NRG3: variants seen among roughly 807,000 people sequenced by gnomAD.
NRG3 encodes pro-neuregulin-3, membrane-bound isoform.
NRG3 carries 31 observed loss-of-function variants against 66.9 expected under a neutral mutation model. That is an observed-to-expected ratio of 0.46 (90% CI 0.35 to 0.63). NRG3 has a LOEUF of 0.63. NRG3 is among the 20% of genes least tolerant of loss of function. The probability of loss-of-function intolerance (pLI) is 0.00; values close to 1 mark genes in which losing one functional copy is unlikely to be tolerated. For synonymous variants in NRG3, 393 were observed against 359.4 expected (o/e 1.09, Z -1.06); for missense variants, 910 against 878.9 (o/e 1.04, Z -0.45).
At chr10:82,794,063 C>G (rs2060697759) in intron 3 of NRG3, among the ~76,000 whole-genome samples, 1 of 152,164 alleles carries the variant, frequency 6.6e-6, no homozygotes, top group Non-Finnish European at 1.5e-5. Flanking sequence ...TATTTCTATT[C>G]TATTCTGTGT....
chr10:82,291,900 G>A (rs2079769545), intron 1 of NRG3, among the ~76,000 whole-genome samples: 1 of 152,070 alleles, frequency 6.6e-6, no homozygotes, highest in African/African-American at 2.4e-5. Context: ...GAAAATTTCT[G>A]GGATCTAGCA....
chr10:82,006,395 A>C (rs1176479117), intron 1 of NRG3, among the ~76,000 whole-genome samples: 10 of 151,940 alleles, frequency 6.6e-5, no homozygotes, highest in Admixed American at 6.6e-4. Flanking sequence ...TCTTCTTCCA[A>C]CCTGTGGCTT....
chr10:81,911,967 A>G (rs1845212654), intron 1 of NRG3, among the ~76,000 whole-genome samples: 1 of 152,088 alleles, frequency 6.6e-6, no homozygotes, highest in Non-Finnish European at 1.5e-5. Flanking sequence ...AGAGTAATAA[A>G]TGTTAATTAC....
At chr10:82,803,377 G>A (rs530227434) in intron 3 of NRG3, among the ~76,000 whole-genome samples, 2 of 152,188 alleles carry the variant, frequency 1.3e-5, no homozygotes, top group East Asian at 3.9e-4. Flanking sequence ...TGACAGAATA[G>A]ATAGGGAAAT....
At chr10:81,946,993 A>G (rs1848902737) in intron 1 of NRG3, among the ~76,000 whole-genome samples, 1 of 152,124 alleles carries the variant, frequency 6.6e-6, no homozygotes, top group Non-Finnish European at 1.5e-5. Context: ...ACAGAAATGT[A>G]TTGTCTCATC....
chr10:82,962,116 A>G (rs1167826874), intron 6 of NRG3, among the ~76,000 whole-genome samples: 1 of 152,220 alleles, frequency 6.6e-6, no homozygotes, highest in Non-Finnish European at 1.5e-5. Flanking sequence ...GATACTCTGG[A>G]AACACTTGAC....
intron 1 of NRG3, among the ~76,000 whole-genome samples, chr10:82,191,751 C>A (rs1169416510): frequency 6.6e-6 from 1 of 152,148 alleles, no homozygotes; most frequent in African/African-American, 2.4e-5. Context: ...TATGGCTTAG[C>A]ATGCATGCTT....
chr10:82,767,979 G>C (rs1300843913), intron 3 of NRG3, among the ~76,000 whole-genome samples: 2 of 151,854 alleles, frequency 1.3e-5, no homozygotes, highest in Admixed American at 6.6e-5. Context: ...CCTCACCTTG[G>C]AGCAGGCCTT....
Position 82,515,211 on chromosome 10 carries a change from A to G in NRG3, c.953+156343A>G, listed in dbSNP as rs970371287. On this transcript the variant is annotated intron_variant, in intron 2 of 8. Transcript: ENST00000372141. ...CTAATTTCAAAAGAAAAAAACAAAC[A>G]ATGTAACAGAACAAAACAAAAGCAA... Among the ~76,000 whole-genome samples, 23 of 152,338 alleles carry G rather than the reference A, an allele frequency of 1.5e-4. 1 individual carries two copies. The South Asian group carries it at 3.5e-3, about 23-fold the overall frequency.
At chr10:82,434,407 G>A (rs1463796663) in intron 2 of NRG3, among the ~76,000 whole-genome samples, 1 of 152,076 alleles carries the variant, frequency 6.6e-6, no homozygotes, top group Non-Finnish European at 1.5e-5. Context: ...GGGACAACTT[G>A]ACTTCCTCTG....
intron 1 of NRG3, among the ~76,000 whole-genome samples, chr10:82,328,106 A>G (rs1447665048): frequency 3.9e-5 from 6 of 152,198 alleles, no homozygotes; most frequent in African/African-American, 1.4e-4. Context: ...TTCATAACAT[A>G]GTATGAGGAA....
chr10:82,617,154 A>C (rs2048709844), intron 2 of NRG3, among the ~76,000 whole-genome samples: 1 of 151,826 alleles, frequency 6.6e-6, no homozygotes, highest in Non-Finnish European at 1.5e-5. Context: ...CACACCACTC[A>C]CACACACACC....
At position 82,181,215 on chromosome 10, in the gene NRG3, G is replaced by T. The variant is rs574406207; in HGVS notation, c.824-177524G>T. Among the ~76,000 whole-genome samples, 168 of 151,170 alleles carry T rather than the reference G, an allele frequency of 1.1e-3. 1 individual carries two copies. The highest frequency in any genetic ancestry group is 3.4e-3 in the Middle Eastern group (1 of 294). ...TTTCAGAAAACAGCTATTAGTTTTG[G>T]TTTTTTATTGTTTCTATTCTCTATT... On this transcript the variant is annotated intron_variant, in intron 1 of 8. Coordinates refer to ENST00000372141, the MANE Select transcript of NRG3 (RefSeq NM_001010848.4).
chr10:82,923,247 G>A (rs1042752856), intron 4 of NRG3, among the ~76,000 whole-genome samples: 2 of 152,178 alleles, frequency 1.3e-5, no homozygotes, highest in South Asian at 4.1e-4. Context: ...GCTGTTTGCT[G>A]TGTCTGAAAC....
intron 2 of NRG3, among the ~76,000 whole-genome samples, chr10:82,679,681 C>A (rs1158931048): frequency 6.6e-6 from 1 of 152,034 alleles, no homozygotes; most frequent in Non-Finnish European, 1.5e-5. Context: ...TGTACAAATA[C>A]CCAAGTGACA....
At chr10:82,079,138 G>A (rs2065251304) in intron 1 of NRG3, among the ~76,000 whole-genome samples, 4 of 151,360 alleles carry the variant, frequency 2.6e-5, no homozygotes, top group African/African-American at 7.3e-5. Flanking sequence ...TCCGCCTCCC[G>A]GGTTCAAGTG....
intron 2 of NRG3, among the ~76,000 whole-genome samples, chr10:82,628,727 C>T (rs1445835055): frequency 2.6e-5 from 4 of 152,132 alleles, no homozygotes; most frequent in African/African-American, 9.7e-5. Flanking sequence ...AGGCTGGAAG[C>T]TCTGTCATTT....
intron 1 of NRG3, among the ~76,000 whole-genome samples, chr10:82,303,540 C>T (rs1197685053): frequency 6.6e-6 from 1 of 152,108 alleles, no homozygotes; most frequent in Non-Finnish European, 1.5e-5. Context: ...TAGAAAAACA[C>T]TTAAACACTG....
intron 2 of NRG3, among the ~76,000 whole-genome samples, chr10:82,691,172 C>T (rs753873691): frequency 5.3e-5 from 8 of 152,194 alleles, no homozygotes; most frequent in South Asian, 2.1e-4. Flanking sequence ...AAAGAAAGTA[C>T]GAGATTTGGG....
Sources: gnomAD v4.1 joint callset for allele counts (sites outside exome capture counted in the v4.1 genomes callset) on GRCh38, gnomAD v4.1.1 for gene constraint, MANE v1.5 for transcripts, NCBI Gene and HGNC (gene_info 2026-07-23, HGNC 2026-07-21) for gene names.